SPTBN1: variants seen among roughly 807,000 people sequenced by gnomAD.
SPTBN1 encodes spectrin beta, non-erythrocytic 1.
A neutral mutation model predicts 266.4 loss-of-function variants in SPTBN1; 32 were observed. That is an observed-to-expected ratio of 0.12 (90% CI 0.09 to 0.16). SPTBN1 has a LOEUF of 0.16. Ranked by LOEUF, SPTBN1 falls within the 10% of genes least tolerant of loss-of-function variation. The pLI, the probability that SPTBN1 is intolerant of heterozygous loss-of-function variation, is 1.00. For synonymous variants in SPTBN1, 1,336 were observed against 1,162.2 expected (o/e 1.15, Z -3.04); for missense variants, 2,296 against 3,067.1 (o/e 0.75, Z 5.94).
At chr2:54,519,705 A>G (rs2104280942) in intron 1 of SPTBN1, among the ~76,000 whole-genome samples, 1 of 152,314 alleles carries the variant, frequency 6.6e-6, no homozygotes. Context: ...GGGGGATAAA[A>G]TAACTGGAAT....
Position 54,629,967 on chromosome 2 carries a change from G to A in SPTBN1, c.2745G>A (p.Leu915=), listed in dbSNP as rs1188825445. 6.2e-7 allele frequency: 1 copy of A among 1,614,022 alleles called. No individual in the cohort carries two copies. The highest frequency in any genetic ancestry group is 2.2e-5 in the East Asian group (1 of 44,890). The change falls in exon 15 of 36, where the codon CTG becomes CTA. Residue 915 remains leucine, a synonymous_variant. Transcript: ENST00000356805. ...TGGTGAACCAGATTGCACGCCAGCT[G>A]ATGCACAGCGGCCACCCAAGTGAGA... ...VAVVNQIARQ[L]MHSGHPSEKE...
chr2:54,579,826 GAGAT>G (rs1214548701), intron 2 of SPTBN1, among the ~76,000 whole-genome samples: 1 of 152,182 alleles, frequency 6.6e-6, no homozygotes, highest in Non-Finnish European at 1.5e-5. Flanking sequence ...GTGAGAGAGA[GAGAT>G]CCTAAAACTC....
At chr2:54,622,658 G>C (rs549455498) in intron 9 of SPTBN1, among the ~76,000 whole-genome samples, 171 bp downstream of exon 9, 2 of 152,172 alleles carry the variant, frequency 1.3e-5, no homozygotes, top group Non-Finnish European at 2.9e-5. Flanking sequence ...GATAGATCAT[G>C]CTCTCTCTGA....
chr2:54,635,900 G>T (rs961827309), intron 17 of SPTBN1, among the ~76,000 whole-genome samples: 1 of 152,188 alleles, frequency 6.6e-6, no homozygotes, highest in African/African-American at 2.4e-5. Flanking sequence ...CACATTCTTA[G>T]ATGACTAATT....
chr2:54,491,743 G>T (rs1469595870), intron 1 of SPTBN1, among the ~76,000 whole-genome samples: 3 of 152,038 alleles, frequency 2.0e-5, no homozygotes, highest in African/African-American at 7.2e-5. Flanking sequence ...GATGCATGCT[G>T]CCATACCTAG....
chr2:54,664,250 T>C lies in SPTBN1; in HGVS notation c.6421-203T>C. Reference sequence around the variant, plus strand: ...TGGCATTTCGCTTTTCTCATTTCCCTGTAAATGGGCGGGTATTAATCCATT... The same window carrying C: ...TGGCATTTCGCTTTTCTCATTTCCCCGTAAATGGGCGGGTATTAATCCATT... On this transcript the variant is annotated intron_variant, in intron 32 of 35. Coordinates refer to ENST00000356805, the MANE Select transcript of SPTBN1 (RefSeq NM_003128.3). This position sits in a 1 kb window ranked among gnomAD's most constrained non-coding sequence, Gnocchi z 5.6. The C allele has an allele frequency of 1.7e-6, 1 of 577,946 alleles. No homozygotes were observed. 35.8% of individuals were successfully genotyped at this position (577,946 alleles called of 1,614,324 possible). A position where few individuals can be genotyped will look rare whatever the true frequency, so the allele number is the denominator to read the frequency against.
intron 7 of SPTBN1, among the ~76,000 whole-genome samples, chr2:54,620,825 T>C (rs1220876103): frequency 6.6e-6 from 1 of 152,214 alleles, no homozygotes; most frequent in East Asian, 1.9e-4. Flanking sequence ...TAGTTTATTC[T>C]TCAGACTGAG....
chr2:54,645,501 C>T lies in SPTBN1; in HGVS notation c.4494+48C>T. On this transcript the variant is annotated intron_variant, in intron 21 of 35. Transcript: ENST00000356805. This position sits in a 1 kb window ranked among gnomAD's most constrained non-coding sequence, Gnocchi z 4.3. ...CATGGCTTTTCCACGAGCCCCCTTG[C>T]CTGTGCTAAAGCCCACATTCTCACT... 6.3e-7 allele frequency: 1 copy of T among 1,585,826 alleles called. No homozygotes were observed. The highest frequency in any genetic ancestry group is 2.3e-5 in the East Asian group (1 of 44,154).
At chr2:54,503,941 A>T (rs1669414533) in intron 1 of SPTBN1, among the ~76,000 whole-genome samples, 2 of 152,222 alleles carry the variant, frequency 1.3e-5, no homozygotes, top group South Asian at 4.1e-4. Flanking sequence ...CATATTCTGC[A>T]GCCTTCAGGT....
In SPTBN1 at chr2:54,568,308, C is replaced by T. The variant is rs184133629; in HGVS notation, c.149-30784C>T. 5.6e-4 allele frequency among the ~76,000 whole-genome samples: 82 copies of T among 145,614 alleles called. 1 individual carries two copies. Among genetic ancestry groups the T allele is most frequent in the Middle Eastern group, 7.1e-3 (2 of 282 alleles). On this transcript the variant is annotated intron_variant, in intron 2 of 35. Transcript: ENST00000356805. ...GAAGTTGCAGTGAGTCGAGATTGCACCACTGCATTCCAGCCTGGGCAACAG... is the reference window on the plus strand; with the variant it reads ...GAAGTTGCAGTGAGTCGAGATTGCATCACTGCATTCCAGCCTGGGCAACAG...
intron 2 of SPTBN1, among the ~76,000 whole-genome samples, chr2:54,561,692 T>C (rs966660665): frequency 7.4e-6 from 1 of 134,394 alleles, no homozygotes; most frequent in East Asian, 2.0e-4. Context: ...TATAGAGATA[T>C]TATAAATTTA....
intron 3 of SPTBN1, among the ~76,000 whole-genome samples, chr2:54,600,241 G>C (rs1232047715): frequency 6.6e-6 from 1 of 152,128 alleles, no homozygotes; most frequent in Non-Finnish European, 1.5e-5. Context: ...GAGACAGACT[G>C]CCTCTTTGAG....
chr2:54,528,238 C>A (rs1670947357), intron 2 of SPTBN1: 1 of 152,600 alleles, frequency 6.6e-6, no homozygotes. Flanking sequence ...CTAGTGATGG[C>A]CAGTTACCTT....
intron 2 of SPTBN1, among the ~76,000 whole-genome samples, chr2:54,543,471 C>T (rs1402778866): frequency 2.6e-5 from 4 of 151,590 alleles, no homozygotes; most frequent in Admixed American, 1.3e-4. Context: ...ATTCAAAAGG[C>T]ACATGTTCTG....
At chr2:54,487,170 C>CTTTTTTTTTTTTTTTTTTTTTT in intron 1 of SPTBN1, among the ~76,000 whole-genome samples, 1 of 98,588 alleles carries the variant, frequency 1.0e-5, no homozygotes, top group Non-Finnish European at 1.9e-5. Context: ...ATTAGGATTT[C>CTTTTTTTTTTTTTTTTTTTTTT]TTTTTTTTTT....
intron 2 of SPTBN1, among the ~76,000 whole-genome samples, chr2:54,560,149 C>T (rs1673186049): frequency 7.3e-6 from 1 of 137,636 alleles, no homozygotes; most frequent in Admixed American, 7.6e-5. Flanking sequence ...AAAACTTAAG[C>T]TGGGGGCGCT....
In SPTBN1 at chr2:54,649,011, A is replaced by C. The variant is rs752983650; in HGVS notation, c.5023A>C (p.Lys1675Gln). 6.2e-7 allele frequency: 1 copy of C among 1,613,330 alleles called. No individual in the cohort carries two copies. The change falls in exon 25 of 36, where the codon AAA becomes CAA. Residue 1675 changes from lysine (K) to glutamine (Q), a missense_variant. Lys to Gln is a moderately conservative substitution (Grantham distance 53). This residue lies in a region of SPTBN1 where 644 missense variants were observed against 745.3 expected (regional missense o/e 0.86). Transcript: ENST00000356805. This position sits in a 1 kb window ranked among gnomAD's most constrained non-coding sequence, Gnocchi z 6.7. ...ESERISMRQS[K>Q]VDKLYAGLKD... The stretch of plus-strand genomic sequence containing the variant: ...TGAGCGCATTAGCATGCGGCAGTCC[A>C]AAGTGGATAAACTGTACGCTGGTCT...
intron 1 of SPTBN1, among the ~76,000 whole-genome samples, chr2:54,495,703 A>G (rs1668934995): frequency 1.8e-5 from 2 of 112,994 alleles, no homozygotes; most frequent in Admixed American, 1.9e-4. Flanking sequence ...TCTGAGCATT[A>G]TTCCATGTTT....
intron 1 of SPTBN1, among the ~76,000 whole-genome samples, chr2:54,495,887 AAT>A (rs1242819276): frequency 6.6e-6 from 1 of 152,170 alleles, no homozygotes; most frequent in African/African-American, 2.4e-5. Context: ...TAAATCAAAG[AAT>A]ATAGTTAATT....
Sources: gnomAD v4.1 joint callset for allele counts (sites outside exome capture counted in the v4.1 genomes callset) on GRCh38, gnomAD v4.1.1 for gene constraint, gnomAD v4.1.1 regional missense constraint, Gnocchi (gnomAD v3.1) non-coding constraint, MANE v1.5 for transcripts, NCBI Gene and HGNC (gene_info 2026-07-23, HGNC 2026-07-21) for gene names.